Variants in LDLRAD4 observed in about 807,000 individuals in gnomAD.
LDLRAD4 encodes the protein low-density lipoprotein receptor class A domain-containing protein 4.
LDLRAD4 carries 5 observed loss-of-function variants against 17.0 expected under a neutral mutation model. That is an observed-to-expected ratio of 0.29 (90% CI 0.15 to 0.62). The LOEUF (loss-of-function observed/expected upper bound fraction) is 0.62, where lower values mean the gene tolerates loss of function less well. LDLRAD4 is among the 20% of genes least tolerant of loss of function. LDLRAD4 has a pLI of 0.84. For missense variants in LDLRAD4, 340 were observed against 424.7 expected, an observed-to-expected ratio of 0.80 and a Z score of 1.75; for synonymous variants, 168 against 171.8, an observed-to-expected ratio of 0.98 and a Z score of 0.17.
At chr18:13,290,837 C>T (rs2045924299) in intron 1 of LDLRAD4, among the ~76,000 whole-genome samples, 1 of 152,192 alleles carries the variant, frequency 6.6e-6, no homozygotes, top group South Asian at 2.1e-4. Flanking sequence ...AGATCATTGG[C>T]CTATAAGAAT....
At chr18:13,426,766 CA>C (rs2145952457) in intron 2 of LDLRAD4, among the ~76,000 whole-genome samples, 1 of 152,342 alleles carries the variant, frequency 6.6e-6, no homozygotes, top group African/African-American at 2.4e-5. Context: ...TGCAGTAGAA[CA>C]TCCTGCCATC....
At chr18:13,456,662 C>T (rs1451444307) in intron 3 of LDLRAD4, among the ~76,000 whole-genome samples, 1 of 152,168 alleles carries the variant, frequency 6.6e-6, no homozygotes, top group African/African-American at 2.4e-5. Context: ...TGCACATATA[C>T]ACACAAATCC....
chr18:13,514,057 G>A (rs2162370), intron 3 of LDLRAD4, among the ~76,000 whole-genome samples: 13,283 of 152,256 alleles, frequency 0.087, 1,073 homozygotes, highest in African/African-American at 0.21. Context: ...GGAGAGATTG[G>A]AGATTATTGT....
chr18:13,429,121 C>T (rs968679955), intron 2 of LDLRAD4, among the ~76,000 whole-genome samples: 23 of 151,970 alleles, frequency 1.5e-4, no homozygotes, highest in African/African-American at 5.3e-4. Context: ...AGTGCAGTGC[C>T]ATGTGCGTCG....
chr18:13,401,093 C>T (rs1023847129), intron 2 of LDLRAD4, among the ~76,000 whole-genome samples: 2 of 151,832 alleles, frequency 1.3e-5, no homozygotes, highest in Admixed American at 1.3e-4. Context: ...TCGCTAAGGA[C>T]AAGGGAGGGC....
chr18:13,374,113 C>T (rs1267413219), intron 1 of LDLRAD4, among the ~76,000 whole-genome samples: 8 of 152,168 alleles, frequency 5.3e-5, no homozygotes, highest in African/African-American at 1.9e-4. Flanking sequence ...GTCATGTGTC[C>T]CTGATAATTA....
chr18:13,326,184 A>G (rs139813134), intron 1 of LDLRAD4, among the ~76,000 whole-genome samples: 1 of 152,286 alleles, frequency 6.6e-6, no homozygotes, highest in East Asian at 1.9e-4. Context: ...GAAAAATACC[A>G]GCCACAGACA....
At chr18:13,372,174 G>A (rs765115931) in intron 1 of LDLRAD4, among the ~76,000 whole-genome samples, 8 of 152,252 alleles carry the variant, frequency 5.3e-5, no homozygotes, top group African/African-American at 9.6e-5. Context: ...CCCTTGCCAG[G>A]CATGCCATCA....
chr18:13,489,446 C>G (rs1225414418), intron 3 of LDLRAD4: 1 of 152,364 alleles, frequency 6.6e-6, no homozygotes, highest in Non-Finnish European at 1.5e-5. Context: ...AGCCACCGTG[C>G]CTGGCCCAGT....
At chr18:13,456,129 T>G (rs1393148681) in intron 3 of LDLRAD4, among the ~76,000 whole-genome samples, 1 of 152,182 alleles carries the variant, frequency 6.6e-6, no homozygotes, top group Non-Finnish European at 1.5e-5. Context: ...CACGGACTCC[T>G]AGGCAGGAAA....
upstream of LDLRAD4, among the ~76,000 whole-genome samples, chr18:13,273,706 C>T (rs376438801): frequency 4.1e-4 from 63 of 152,258 alleles, 1 homozygote; most frequent in South Asian, 0.013. Flanking sequence ...TTTGCCCAAA[C>T]AAATTTCCCA....
At chr18:13,423,831 C>A in intron 2 of LDLRAD4, 1 of 152,324 alleles carries the variant, frequency 6.6e-6, no homozygotes, top group African/African-American at 2.4e-5. Flanking sequence ...AACTTATATA[C>A]TTAAAACATC....
intron 3 of LDLRAD4, among the ~76,000 whole-genome samples, chr18:13,580,050 C>T (rs1168785893): frequency 2.6e-5 from 4 of 152,198 alleles, no homozygotes. Context: ...TAACGTGATG[C>T]TTTTCTCATG....
chr18:13,617,435 A>G (rs776577684), intron 3 of LDLRAD4, among the ~76,000 whole-genome samples: 1 of 152,244 alleles, frequency 6.6e-6, no homozygotes, highest in Non-Finnish European at 1.5e-5. Flanking sequence ...TCAAACTCCA[A>G]AAATCTTAGG....
rs547720693 is a variant in LDLRAD4, at chr18:13,640,102, T to C, written c.337-3257T>C. ...GAGATCGAGAGGATCCTGGCTAATA[T>C]GGTGAAACCGCGTCTCTACTAACAG... On this transcript the variant is annotated intron_variant, in intron 4 of 5. Transcript: ENST00000359446. Among the ~76,000 whole-genome samples the C allele has an allele frequency of 2.0e-3, 310 of 151,920 alleles. 2 individuals carry two copies. The highest frequency in any genetic ancestry group is 2.0e-3 in the Non-Finnish European group (137 of 67,992).
chr18:13,392,925 A>G (rs12454066), intron 2 of LDLRAD4, among the ~76,000 whole-genome samples: 22,775 of 152,138 alleles, frequency 0.15, 1,835 homozygotes, highest in East Asian at 0.27. Context: ...TGAAAGTGCT[A>G]TTTTGTGGAT....
intron 1 of LDLRAD4, among the ~76,000 whole-genome samples, chr18:13,262,885 C>T (rs113248839): frequency 2.9e-5 from 2 of 70,010 alleles, no homozygotes; most frequent in Admixed American, 1.8e-4. Context: ...CGGCCCTGTG[C>T]GTGGGGGCTG....
chr18:13,344,018 C>G (rs1351119342), intron 1 of LDLRAD4, among the ~76,000 whole-genome samples: 1 of 152,150 alleles, frequency 6.6e-6, no homozygotes, highest in Non-Finnish European at 1.5e-5. Flanking sequence ...AAAATATTCT[C>G]CCATTCTGTA....
At chr18:13,332,834 C>G (rs899546436) in intron 1 of LDLRAD4, among the ~76,000 whole-genome samples, 7 of 151,610 alleles carry the variant, frequency 4.6e-5, no homozygotes, top group African/African-American at 1.7e-4. Flanking sequence ...ATGGTAGTTA[C>G]TTCCAGGTTT....
Sources: allele counts gnomAD v4.1 joint callset (sites outside exome capture counted in the v4.1 genomes callset), GRCh38; gene constraint gnomAD v4.1.1; transcripts MANE v1.5; gene names NCBI Gene and HGNC (gene_info 2026-07-23, HGNC 2026-07-21).